SIN3B: variants seen among roughly 807,000 people sequenced by gnomAD.
SIN3B encodes SIN3 transcription regulator family member B.
In SIN3B, 19 loss-of-function variants were observed where a neutral mutation model predicts 120.2. The observed-to-expected ratio is 0.16, with a 90% confidence interval of 0.11 to 0.23. SIN3B has a LOEUF of 0.23. Among genes scored for constraint, SIN3B ranks in the 10% least tolerant of loss-of-function variants. The pLI, the probability that SIN3B is intolerant of heterozygous loss-of-function variation, is 1.00. For synonymous variants in SIN3B, 654 were observed against 653.2 expected (o/e 1.00, Z -0.02); for missense variants, 1,073 against 1,573.0 (o/e 0.68, Z 5.38).
chr19:16,832,862 AAAAG>A (rs763963846), intron 3 of SIN3B, among the ~76,000 whole-genome samples: 7 of 152,076 alleles, frequency 4.6e-5, no homozygotes, highest in Non-Finnish European at 7.4e-5. Context: ...GCCTCTGAGA[AAAAG>A]AAAGCCTACT....
At chr19:16,835,040 C>T (rs747759895) in intron 3 of SIN3B, among the ~76,000 whole-genome samples, 1 of 151,860 alleles carries the variant, frequency 6.6e-6, no homozygotes, top group Non-Finnish European at 1.5e-5. Flanking sequence ...GATTCTCCTC[C>T]CTCAGCCTCC....
intron 8 of SIN3B, among the ~76,000 whole-genome samples, chr19:16,861,159 G>A (rs1971682682): frequency 6.6e-6 from 1 of 152,094 alleles, no homozygotes; most frequent in Non-Finnish European, 1.5e-5. Context: ...TCCAGAGAGG[G>A]GTTCACAGAG....
At position 16,877,628 on chromosome 19, in the gene SIN3B, G is replaced by A; in HGVS notation, c.2943G>A (p.Val981=). ...SPTEGFLLKP[V]FLQRNLKKFR... ...CTGAGGGCTTCCTCCTGAAACCTGT[G>A]TTCCTGCAGAGGTAAGAGGCCCTGA... is the stretch of plus-strand genomic sequence containing the variant. Residue 981 remains valine, a synonymous_variant, in exon 17 of 19, where the codon GTG becomes GTA. Transcript: ENST00000248054. 1 of 1,609,754 alleles carries A rather than the reference G, an allele frequency of 6.2e-7. No homozygotes were observed. Among genetic ancestry groups the A allele is most frequent in the South Asian group, 1.1e-5 (1 of 89,878 alleles).
At position 16,829,841 on chromosome 19, in the gene SIN3B, C is replaced by A. The variant is rs1162675437; in HGVS notation, c.171C>A (p.Ser57Arg). 1.2e-6 allele frequency: 2 copies of A among 1,613,494 alleles called. No homozygotes were observed. The highest frequency in any genetic ancestry group is 2.7e-5 in the African/African-American group (2 of 74,908). Residue 57 changes from serine to arginine, a missense_variant, in exon 2 of 19, where the codon AGC becomes AGA. Physicochemically the swap from Ser to Arg is moderately radical, Grantham distance 110. Around this residue, in one of 7 missense-constraint regions of SIN3B, gnomAD observed 395 missense variants for 528.0 expected, o/e 0.75. Transcript: ENST00000248054. ...ACCAGGTGAAGATCCGCTTTGGCAGCGACCCTGCCACCTACAACGGCTTCC... is the reference window on the plus strand; with the variant it reads ...ACCAGGTGAAGATCCGCTTTGGCAGAGACCCTGCCACCTACAACGGCTTCC... The part of the protein sequence containing the change: ...YLDQVKIRFG[S>R]DPATYNGFLE...
At chr19:16,851,677 C>A (rs1033584430) in intron 6 of SIN3B, 143 bp downstream of exon 6, 30 of 1,068,262 alleles carry the variant, frequency 2.8e-5, no homozygotes, top group Non-Finnish European at 3.6e-5. Context: ...GGCAGTGGGA[C>A]CGTTGGAAGT....
chr19:16,837,633 C>T (rs1179661187), intron 3 of SIN3B, among the ~76,000 whole-genome samples: 1 of 151,504 alleles, frequency 6.6e-6, no homozygotes, highest in Non-Finnish European at 1.5e-5. Context: ...AGAGGGATCC[C>T]CCGAGTGATG....
At chr19:16,842,448 C>T (rs1971430422) in intron 4 of SIN3B, among the ~76,000 whole-genome samples, 1 of 149,688 alleles carries the variant, frequency 6.7e-6, no homozygotes, top group African/African-American at 2.5e-5. Flanking sequence ...GCTCTGTCAC[C>T]TAGGCTGGAG....
At chr19:16,838,087 G>A (rs1437258314) in intron 3 of SIN3B, among the ~76,000 whole-genome samples, 2 of 152,148 alleles carry the variant, frequency 1.3e-5, no homozygotes, top group African/African-American at 4.8e-5. Flanking sequence ...GGCTTGTGCT[G>A]GGTGGTTTAG....
Position 16,863,018 on chromosome 19 carries a change from C to T in SIN3B, c.1266+459C>T, listed in dbSNP as rs573683546. On this transcript the variant is annotated intron_variant, in intron 9 of 18. Coordinates refer to ENST00000248054, the MANE Select transcript of SIN3B (RefSeq NM_001297595.2). ...GGCCCACGGGCCCTGGCCCGCTGCCCGTGTTTGTAAATAAAGTTTTACTGT... is the reference window on the plus strand; with the variant it reads ...GGCCCACGGGCCCTGGCCCGCTGCCTGTGTTTGTAAATAAAGTTTTACTGT... 37 of 1,466,550 alleles carry T rather than the reference C, an allele frequency of 2.5e-5. No individual in the cohort carries two copies. The Middle Eastern group carries it at 5.2e-4, about 21-fold the overall frequency. 90.8% of individuals were successfully genotyped at this position (1,466,550 alleles called of 1,614,324 possible). A position where few individuals can be genotyped will look rare whatever the true frequency, so the allele number is the denominator to read the frequency against.
In SIN3B at chr19:16,869,630, G is replaced by A; in HGVS notation, c.1977G>A (p.Leu659=). Residue 659 remains leucine, a synonymous_variant, in exon 13 of 19, where the codon CTG becomes CTA. Coordinates refer to ENST00000248054, the MANE Select transcript of SIN3B (RefSeq NM_001297595.2). ...ACCAGGGCACCATCCACCAGCTGCT[G>A]CACCAGTTCGTGCCCAGCCTCTTCT... ...KEDQGTIHQL[L]HQFVPSLFFS... 1 of 1,613,578 alleles carries A rather than the reference G, an allele frequency of 6.2e-7. No individual in the cohort carries two copies. The highest frequency in any genetic ancestry group is 8.5e-7 in the Non-Finnish European group (1 of 1,180,030).
Position 16,878,217 on chromosome 19 carries a change from G to A in SIN3B, c.2989G>A (p.Glu997Lys), listed in dbSNP as rs746333267. 5.0e-6 allele frequency: 8 copies of A among 1,590,706 alleles called. No homozygotes were observed. The highest frequency in any genetic ancestry group is 2.3e-5 in the East Asian group (1 of 43,866). The change falls in exon 18 of 19, where the codon GAG (glutamate) becomes AAG (lysine). Residue 997 changes from glutamate to lysine, a missense_variant. This residue lies in a region of SIN3B where 311 missense variants were observed against 400.3 expected (regional missense o/e 0.78). Coordinates refer to ENST00000248054, the MANE Select transcript of SIN3B (RefSeq NM_001297595.2). ...GAAGTTCCGCCGCCGGTGGCAGAGC[G>A]AGCAGGCGCGGGCCCTGCGCGGTGA... is the stretch of plus-strand genomic sequence containing the variant. ...LKKFRRRWQS[E>K]QARALRGEAR...
chr19:16,842,679 C>A (rs1446577781), intron 4 of SIN3B, among the ~76,000 whole-genome samples: 3 of 152,156 alleles, frequency 2.0e-5, no homozygotes, highest in African/African-American at 7.2e-5. Context: ...GCTACAGAGA[C>A]AAATGGCTGC....
At chr19:16,865,694 T>TCCCCTC in intron 11 of SIN3B, 46 bp downstream of exon 11, 1 of 1,153,498 alleles carries the variant, frequency 8.7e-7, no homozygotes, top group East Asian at 2.8e-5. Context: ...CCTTCCCCCT[T>TCCCCTC]CCCTCCCCTC....
intron 14 of SIN3B, among the ~76,000 whole-genome samples, chr19:16,875,703 C>CGGTCT (rs1009837191): frequency 3.7e-5 from 4 of 108,104 alleles, no homozygotes; most frequent in East Asian, 5.8e-4. Context: ...CTGGTCGGTT[C>CGGTCT]GGTCTGGTCT....
At chr19:16,837,234 G>A (rs531412696) in intron 3 of SIN3B, among the ~76,000 whole-genome samples, 1 of 152,160 alleles carries the variant, frequency 6.6e-6, no homozygotes, top group South Asian at 2.1e-4. Context: ...AGGGAGCCAG[G>A]AGCGTGAGAA....
chr19:16,851,739 GT>G (rs1229974763), intron 6 of SIN3B, among the ~76,000 whole-genome samples: 3 of 152,224 alleles, frequency 2.0e-5, no homozygotes, highest in African/African-American at 7.2e-5. Context: ...CTGTGAGATT[GT>G]TTTGAAAAGG....
intron 7 of SIN3B, 68 bp from the exon 8 acceptor site, chr19:16,854,075 A>T: frequency 8.3e-7 from 1 of 1,206,840 alleles, no homozygotes; most frequent in Non-Finnish European, 1.2e-6. Context: ...TGGCTGACCT[A>T]CAAGTGAGCC....
At chr19:16,851,088 T>TG (rs34360006) in intron 5 of SIN3B, among the ~76,000 whole-genome samples, 117,775 of 152,094 alleles carry the variant, frequency 0.77, 45,793 homozygotes, top group Middle Eastern at 0.85. Flanking sequence ...GCCCCACCAG[T>TG]GGCCGCCACA....
At chr19:16,847,250 C>A in intron 5 of SIN3B, 137 bp downstream of exon 5, 1 of 912,172 alleles carries the variant, frequency 1.1e-6, no homozygotes, top group Non-Finnish European at 1.6e-6. Flanking sequence ...ACGCAGGTTG[C>A]AGATACCCAG....
Sources: gnomAD v4.1 joint callset for allele counts (sites outside exome capture counted in the v4.1 genomes callset) on GRCh38, gnomAD v4.1.1 for gene constraint, gnomAD v4.1.1 regional missense constraint, MANE v1.5 for transcripts, NCBI Gene and HGNC (gene_info 2026-07-23, HGNC 2026-07-21) for gene names.